The following ST6GALNAC5 variants were observed in gnomAD, a reference collection of about 807,000 sequenced individuals.
The protein encoded by ST6GALNAC5 is alpha-N-acetylgalactosaminide alpha-2,6-sialyltransferase 5.
In ST6GALNAC5, 27 loss-of-function variants were observed where a neutral mutation model predicts 33.6. That is an observed-to-expected ratio of 0.80 (90% CI 0.59 to 1.11). ST6GALNAC5 has a LOEUF of 1.11. Ranked by LOEUF, ST6GALNAC5 falls within the 50% of genes least tolerant of loss-of-function variation. ST6GALNAC5 has a pLI of 0.00. For synonymous variants in ST6GALNAC5, 194 were observed against 171.2 expected (o/e 1.13, Z -1.04); for missense variants, 428 against 454.0 (o/e 0.94, Z 0.52).
Position 77,062,967 on chromosome 1 carries a change from T to C in ST6GALNAC5, c.780-8T>C, listed in dbSNP as rs780780514. On this transcript the variant is annotated splice_region_variant and splice_polypyrimidine_tract_variant and intron_variant, in intron 4 of 4. Transcript: ENST00000477717. ...GCTTTAATCAGTTATCTCAATTTCCTCCTACAGGGATCCCAATCACCCTTC... is the reference window on the plus strand; with the variant it reads ...GCTTTAATCAGTTATCTCAATTTCCCCCTACAGGGATCCCAATCACCCTTC... The C allele has an allele frequency of 8.7e-6, 14 of 1,610,048 alleles. No individual in the cohort carries two copies. The Admixed American group carries it at 2.0e-4, about 23-fold the overall frequency.
intron 4 of ST6GALNAC5, among the ~76,000 whole-genome samples, chr1:77,056,359 G>A (rs1243187589): frequency 6.6e-6 from 1 of 152,148 alleles, no homozygotes; most frequent in South Asian, 2.1e-4. Context: ...AATGGGCCAA[G>A]CATTTAAATT....
intron 4 of ST6GALNAC5, among the ~76,000 whole-genome samples, chr1:77,058,315 A>C (rs952896247): frequency 1.3e-5 from 2 of 152,138 alleles, no homozygotes; most frequent in Non-Finnish European, 2.9e-5. Flanking sequence ...ACCAAATCTC[A>C]TGTTGAAATT....
At position 76,910,562 on chromosome 1, in the gene ST6GALNAC5, T is replaced by C. The variant is rs992923823; in HGVS notation, c.261+41820T>C. 2.6e-4 allele frequency among the ~76,000 whole-genome samples: 39 copies of C among 152,066 alleles called. 1 individual carries two copies. Among genetic ancestry groups the C allele is most frequent in the African/African-American group, 8.4e-4 (35 of 41,428 alleles). On this transcript the variant is annotated intron_variant, in intron 2 of 4. Transcript: ENST00000477717. ...GAAATCTTGGTTTTAAAATATCAGT[T>C]TGATGACTGCTCAAACACTTATAAA...
chr1:76,991,471 A>G (rs1196075972), intron 2 of ST6GALNAC5, among the ~76,000 whole-genome samples: 1 of 152,160 alleles, frequency 6.6e-6, no homozygotes, highest in Non-Finnish European at 1.5e-5. Flanking sequence ...GAAAATCATC[A>G]AGCTTTTATT....
chr1:76,912,798 T>A (rs1238504820), intron 2 of ST6GALNAC5, among the ~76,000 whole-genome samples: 1 of 152,212 alleles, frequency 6.6e-6, no homozygotes, highest in African/African-American at 2.4e-5. Flanking sequence ...TCCTTTTATT[T>A]TGAGCCTATG....
intron 2 of ST6GALNAC5, among the ~76,000 whole-genome samples, chr1:76,926,904 C>T (rs970912386): frequency 6.6e-6 from 1 of 152,016 alleles, no homozygotes; most frequent in Non-Finnish European, 1.5e-5. Flanking sequence ...GCCATTTTTA[C>T]TGGTAATTTT....
chr1:76,924,579 C>G (rs773622098), intron 2 of ST6GALNAC5, among the ~76,000 whole-genome samples: 2 of 152,120 alleles, frequency 1.3e-5, no homozygotes, highest in Non-Finnish European at 2.9e-5. Context: ...ATGACAACTT[C>G]GCTGAAGAAT....
intron 2 of ST6GALNAC5, among the ~76,000 whole-genome samples, chr1:76,899,423 CG>C (rs1646793387): frequency 6.6e-6 from 1 of 151,420 alleles, no homozygotes; most frequent in Non-Finnish European, 1.5e-5. Flanking sequence ...AATAAGGGAT[CG>C]GGGCACAGAG....
At position 76,868,687 on chromosome 1, in the gene ST6GALNAC5, G is replaced by C. The variant is rs993511285; in HGVS notation, c.206G>C (p.Gly69Ala). The C allele has an allele frequency of 3.2e-6, 5 of 1,550,886 alleles. No individual in the cohort carries two copies. Among genetic ancestry groups the C allele is most frequent in the Non-Finnish European group, 4.4e-6 (5 of 1,147,558 alleles). ...GAGAGCAGCACCCAGCAGCGCCCCG[G>C]GGTCCCCGCGGGACCGCGGCCACTG... is the stretch of plus-strand genomic sequence containing the variant. ...AAESSTQQRP[G>A]VPAGPRPLDG... Residue 69 changes from glycine (G) to alanine (A), a missense_variant, in exon 2 of 5, where the codon GGG (glycine) becomes GCG (alanine). Transcript: ENST00000477717. This position sits in a 1 kb window ranked among gnomAD's most constrained non-coding sequence, Gnocchi z 4.3.
chr1:77,054,381 C>A (rs184255136), intron 4 of ST6GALNAC5, among the ~76,000 whole-genome samples: 1 of 152,170 alleles, frequency 6.6e-6, no homozygotes, highest in Non-Finnish European at 1.5e-5. Flanking sequence ...CCCTTCCACC[C>A]GACTTGGTCA....
chr1:76,882,511 G>C (rs1653804337), intron 2 of ST6GALNAC5, among the ~76,000 whole-genome samples: 1 of 152,036 alleles, frequency 6.6e-6, no homozygotes, highest in African/African-American at 2.4e-5. Flanking sequence ...CCTATCATAG[G>C]GAAAATTAAC....
intron 2 of ST6GALNAC5, among the ~76,000 whole-genome samples, chr1:76,914,558 T>C (rs945416673): frequency 1.3e-5 from 2 of 152,200 alleles, no homozygotes; most frequent in Non-Finnish European, 1.5e-5. Context: ...CTATCTGATC[T>C]TTGACAAACC....
At chr1:77,056,166 C>A (rs1423810175) in intron 4 of ST6GALNAC5, among the ~76,000 whole-genome samples, 2 of 152,132 alleles carry the variant, frequency 1.3e-5, no homozygotes, top group Non-Finnish European at 2.9e-5. Flanking sequence ...CCAGAAACAG[C>A]ATCAAAATAT....
At chr1:77,022,752 A>G (rs1651099736) in intron 2 of ST6GALNAC5, among the ~76,000 whole-genome samples, 1 of 152,176 alleles carries the variant, frequency 6.6e-6, no homozygotes, top group African/African-American at 2.4e-5. Flanking sequence ...TTCATTCCCA[A>G]TTTTGTTCTC....
chr1:76,925,298 A>G (rs1339462448), intron 2 of ST6GALNAC5, among the ~76,000 whole-genome samples: 1 of 152,070 alleles, frequency 6.6e-6, no homozygotes, highest in Non-Finnish European at 1.5e-5. Flanking sequence ...TGGAGGGCAC[A>G]AATATCCAAA....
intron 2 of ST6GALNAC5, among the ~76,000 whole-genome samples, chr1:76,930,347 T>TC (rs1212667785): frequency 1.6e-5 from 1 of 62,724 alleles, no homozygotes; most frequent in African/African-American, 6.1e-5. Context: ...AACCCACTGG[T>TC]CATGTGCACC....
intron 2 of ST6GALNAC5, among the ~76,000 whole-genome samples, chr1:76,911,491 T>A (rs989300323): frequency 4.6e-5 from 7 of 152,164 alleles, no homozygotes; most frequent in Admixed American, 2.0e-4. Flanking sequence ...TCTTTTTCTA[T>A]TGATTGGAAT....
At chr1:76,870,057 T>G (rs1197692498) in intron 2 of ST6GALNAC5, among the ~76,000 whole-genome samples, 2 of 152,118 alleles carry the variant, frequency 1.3e-5, no homozygotes, top group Non-Finnish European at 2.9e-5. Flanking sequence ...AAGTGATTAT[T>G]TATTTATTTA....
At chr1:77,033,861 G>T (rs1013410513) in intron 2 of ST6GALNAC5, among the ~76,000 whole-genome samples, 9 of 152,136 alleles carry the variant, frequency 5.9e-5, no homozygotes, top group African/African-American at 2.2e-4. Context: ...TTCCAACCAG[G>T]TAATTAACTC....
Sources: allele counts gnomAD v4.1 joint callset (sites outside exome capture counted in the v4.1 genomes callset), GRCh38; gene constraint gnomAD v4.1.1; non-coding constraint Gnocchi (gnomAD v3.1); transcripts MANE v1.5; gene names NCBI Gene and HGNC (gene_info 2026-07-23, HGNC 2026-07-21).